TRMU: variants seen among roughly 807,000 people sequenced by gnomAD.
TRMU encodes tRNA mitochondrial 2-thiouridylase.
Under a neutral mutation model 46.9 loss-of-function variants are expected in TRMU, and 49 were observed. The ratio of observed to expected loss-of-function variants is 1.05; its 90% CI spans 0.83 to 1.33. The LOEUF is 1.33. Among genes scored for constraint, TRMU ranks in the 40% most tolerant of loss-of-function variants. TRMU has a pLI of 0.00. For synonymous variants in TRMU, 241 were observed against 200.9 expected, an observed-to-expected ratio of 1.20 and a Z score of -1.69; for missense variants, 572 against 532.4, an observed-to-expected ratio of 1.07 and a Z score of -0.73.
chr22:46,354,099 C>T (rs1415482438), intron 8 of TRMU: 2 of 484,482 alleles, frequency 4.1e-6, no homozygotes, highest in Non-Finnish European at 7.6e-6. Flanking sequence ...ATCCCTGAAC[C>T]CCGATACACA....
chr22:46,349,701 G>A lies in TRMU; in HGVS notation c.479-590G>A, dbSNP rs545587388. Among the ~76,000 whole-genome samples, 6 of 152,288 alleles carry A rather than the reference G, an allele frequency of 3.9e-5. No individual in the cohort carries two copies. The highest frequency in any genetic ancestry group is 1.2e-4 in the African/African-American group (5 of 41,558). On this transcript the variant is annotated intron_variant, in intron 4 of 10. Coordinates refer to ENST00000645190, the MANE Select transcript of TRMU (RefSeq NM_018006.5). This position sits in a 1 kb window ranked among gnomAD's most constrained non-coding sequence, Gnocchi z 4.6. The stretch of plus-strand genomic sequence containing the variant: ...TCTTTACAATCACATAGGGAATGTC[G>A]GAGGAACTGCAGGGTCACCTAACAG...
chr22:46,352,267 C>G lies in TRMU; in HGVS notation c.709C>G (p.Leu237Val). ...TAATGACATGTTTGTTTTCCAGTAT[C>G]TGCAGCCTCGACCTGGTCACTTTAT... is the stretch of plus-strand genomic sequence containing the variant. ...RNFEHFLLQY[L>V]QPRPGHFISI... is the part of the protein sequence containing the mutation. Residue 237 changes from leucine to valine, a missense_variant, in exon 7 of 11, where the codon CTG becomes GTG. Transcript: ENST00000645190. The G allele has an allele frequency of 6.2e-7, 1 of 1,614,202 alleles. No individual in the cohort carries two copies. The highest frequency in any genetic ancestry group is 8.5e-7 in the Non-Finnish European group (1 of 1,180,044).
rs547049690 is a variant in TRMU, at chr22:46,335,785, C to T, written c.21C>T (p.Val7=). The T allele has an allele frequency of 1.0e-5, 16 of 1,558,194 alleles. No homozygotes were observed. The highest frequency in any genetic ancestry group is 6.8e-5 in the African/African-American group (5 of 73,650). Reference sequence around the variant, plus strand: ...GGCGGATGCAGGCCTTGCGGCACGTCGTGTGCGCCCTGTCCGGCGGCGTGG... The same window carrying T: ...GGCGGATGCAGGCCTTGCGGCACGTTGTGTGCGCCCTGTCCGGCGGCGTGG... MQALRH[V]VCALSGGVDS... is the part of the protein sequence containing the mutation. The change falls in exon 1 of 11, where the codon GTC becomes GTT. Residue 7 remains valine (V), a synonymous_variant. Coordinates refer to ENST00000645190, the MANE Select transcript of TRMU (RefSeq NM_018006.5).
rs757498051 is a variant in TRMU, at chr22:46,350,512, C to T, written c.651+49C>T. 3 of 1,608,064 alleles carry T rather than the reference C, an allele frequency of 1.9e-6. No individual in the cohort carries two copies. In the Admixed American group the frequency reaches 5.0e-5, roughly 27 times the overall value. Reference sequence around the variant, plus strand: ...ATTAGTGCCTGTTTCCCTTTCCCGACTGCATGGCACGGAGCAGCTGGACCT... The same window carrying T: ...ATTAGTGCCTGTTTCCCTTTCCCGATTGCATGGCACGGAGCAGCTGGACCT... On this transcript the variant is annotated intron_variant, in intron 5 of 10. Coordinates refer to ENST00000645190, the MANE Select transcript of TRMU (RefSeq NM_018006.5). The surrounding 1 kb of genome is among the most constrained non-coding windows in gnomAD (Gnocchi z 4.6).
chr22:46,356,197 G>A, intron 10 of TRMU, 125 bp downstream of exon 10: 1 of 1,060,964 alleles, frequency 9.4e-7, no homozygotes, highest in Non-Finnish European at 1.4e-6. Context: ...CACAGCTGGT[G>A]AGGGCAGAGT....
chr22:46,352,427 C>T (rs1430255436), intron 7 of TRMU, 97 bp downstream of exon 7: 1 of 1,458,106 alleles, frequency 6.9e-7, no homozygotes, highest in Non-Finnish European at 9.6e-7. Flanking sequence ...GTCCCTTCCA[C>T]TTGGCTGGAG....
At chr22:46,341,456 C>A (rs1396722306) in intron 2 of TRMU, among the ~76,000 whole-genome samples, 1 of 152,060 alleles carries the variant, frequency 6.6e-6, no homozygotes, top group African/African-American at 2.4e-5. Flanking sequence ...TCTAGGGGGA[C>A]TGAGAAGTAG....
chr22:46,342,525 G>T lies in TRMU; in HGVS notation c.249-737G>T, dbSNP rs1417057143. Among the ~76,000 whole-genome samples, 1 of 152,172 alleles carries T rather than the reference G, an allele frequency of 6.6e-6. No individual in the cohort carries two copies. The highest frequency in any genetic ancestry group is 1.9e-4 in the East Asian group (1 of 5,184). On this transcript the variant is annotated intron_variant, in intron 2 of 10. Transcript: ENST00000645190. This position sits in a 1 kb window ranked among gnomAD's most constrained non-coding sequence, Gnocchi z 4.7. ...TACAGTGGGACTGTGTCTGGGGAGG[G>T]TCTTAAGACCCACAGTCAGAAAGGT...
rs2078595130 is a variant in TRMU at position 46,356,005 on chromosome 22, C to T, written c.1034C>T (p.Thr345Ile). Reference protein sequence around the residue: ...HQMALVPCVLTLNQDGTVWVT... With the variant: ...HQMALVPCVLILNQDGTVWVT... ...TTCTACCCAGTGCCCTGTGTGCTGA[C>T]CCTCAATCAAGATGGCACCGTGTGG... Residue 345 changes from threonine (T) to isoleucine (I), a missense_variant, in exon 10 of 11, where the codon ACC becomes ATC. Physicochemically the swap from Thr to Ile is moderately conservative, Grantham distance 89. Coordinates refer to ENST00000645190, the MANE Select transcript of TRMU (RefSeq NM_018006.5). The T allele has an allele frequency of 2.5e-6, 4 of 1,613,878 alleles. No individual in the cohort carries two copies. Among genetic ancestry groups the T allele is most frequent in the South Asian group, 1.1e-5 (1 of 91,096 alleles).
chr22:46,352,877 G>A (rs2078476472), intron 7 of TRMU: 4 of 232,522 alleles, frequency 1.7e-5, no homozygotes, highest in Admixed American at 5.1e-5. Flanking sequence ...TCCTGCTGTG[G>A]GGACAGAGTG....
chr22:46,356,810 G>A, intron 10 of TRMU, 32 bp from the exon 11 acceptor site: 2 of 1,611,336 alleles, frequency 1.2e-6, no homozygotes, highest in Non-Finnish European at 1.7e-6. Context: ...GCTCCCTGTG[G>A]CACCCCTGAT....
rs1020863462 is a variant in TRMU, at chr22:46,352,563, G to A, written c.772+233G>A. On this transcript the variant is annotated intron_variant, in intron 7 of 10. Transcript: ENST00000645190. Reference sequence around the variant, plus strand: ...TGAGATGCTGGAGTTCATGAAAAGCGCGCCTCTGACTTGGAAGGACTATAC... The same window carrying A: ...TGAGATGCTGGAGTTCATGAAAAGCACGCCTCTGACTTGGAAGGACTATAC... 40 of 606,788 alleles carry A rather than the reference G, an allele frequency of 6.6e-5. No individual in the cohort carries two copies. In the Admixed American group the frequency reaches 7.0e-4, roughly 11 times the overall value. 37.6% of individuals were successfully genotyped at this position (606,788 alleles called of 1,614,324 possible).
Position 46,345,763 on chromosome 22 carries a change from CTT to C in TRMU, c.356-644_356-643del, listed in dbSNP as rs561435289. Among the ~76,000 whole-genome samples, 1,128 of 139,218 alleles carry C rather than the reference CTT, an allele frequency of 8.1e-3. 13 individuals carry two copies. The highest frequency in any genetic ancestry group is 0.013 in the Non-Finnish European group (810 of 64,024). 91.3% of individuals were successfully genotyped at this position (139,218 alleles called of 152,430 possible). A position where few individuals can be genotyped will look rare whatever the true frequency, so the allele number is the denominator to read the frequency against. ...TCTCCCAGTGTTGAACATTTTGGTTCTTTTTTTTTTTTTTTTCCTCCTGAGAC... is the reference window on the plus strand; with the variant it reads ...TCTCCCAGTGTTGAACATTTTGGTTCTTTTTTTTTTTTTTCCTCCTGAGAC... On this transcript the variant is annotated intron_variant, in intron 3 of 10. Transcript: ENST00000645190.
chr22:46,341,564 A>G (rs2147863806), intron 2 of TRMU, among the ~76,000 whole-genome samples: 1 of 152,244 alleles, frequency 6.6e-6, no homozygotes, highest in South Asian at 2.1e-4. Flanking sequence ...CCTCTTGATC[A>G]GCACTGGTTT....
At position 46,348,945 on chromosome 22, in the gene TRMU, C is replaced by T. The variant is rs1435498254; in HGVS notation, c.479-1346C>T. ...GTCAGGAGTTCCAGACCAGCCTGGCCAACATGGTGAAACCCCATCTCTACT... is the reference window on the plus strand; with the variant it reads ...GTCAGGAGTTCCAGACCAGCCTGGCTAACATGGTGAAACCCCATCTCTACT... On this transcript the variant is annotated intron_variant, in intron 4 of 10. Transcript: ENST00000645190. The surrounding 1 kb of genome is among the most constrained non-coding windows in gnomAD (Gnocchi z 4.8). 1.3e-5 allele frequency among the ~76,000 whole-genome samples: 2 copies of T among 151,576 alleles called. No individual in the cohort carries two copies. The highest frequency in any genetic ancestry group is 4.9e-5 in the African/African-American group (2 of 41,190).
rs1039877769 is a variant in TRMU at position 46,352,460 on chromosome 22, C to T, written c.772+130C>T. On this transcript the variant is annotated intron_variant, in intron 7 of 10. Transcript: ENST00000645190. Reference sequence around the variant, plus strand: ...GAGAATTGTAGAAGGCTCTGTGGGGCGGCCGGGGGCGGGCACGGCCTAGGG... The same window carrying T: ...GAGAATTGTAGAAGGCTCTGTGGGGTGGCCGGGGGCGGGCACGGCCTAGGG... The T allele has an allele frequency of 3.5e-5, 39 of 1,114,178 alleles. 1 individual carries two copies. Among genetic ancestry groups the T allele is most frequent in the South Asian group, 1.6e-4 (13 of 79,972 alleles). The allele number at this position is 1,114,178 out of a possible 1,614,324, so 69.0% of individuals were successfully genotyped here.
In TRMU at chr22:46,352,269, G is replaced by A. The variant is rs1317011664; in HGVS notation, c.711G>A (p.Leu237=). Residue 237 remains leucine, a synonymous_variant, in exon 7 of 11, where the codon CTG becomes CTA. Transcript: ENST00000645190. The part of the protein sequence containing the change: ...RNFEHFLLQY[L]QPRPGHFISI... ...ATGACATGTTTGTTTTCCAGTATCT[G>A]CAGCCTCGACCTGGTCACTTTATTT... The A allele has an allele frequency of 1.2e-6, 2 of 1,614,048 alleles. No individual in the cohort carries two copies. Among genetic ancestry groups the A allele is most frequent in the East Asian group, 2.2e-5 (1 of 44,894 alleles).
In TRMU at chr22:46,335,838, G is replaced by T; in HGVS notation, c.74G>T (p.Arg25Met). The T allele has an allele frequency of 6.4e-7, 1 of 1,551,226 alleles. No individual in the cohort carries two copies. Among genetic ancestry groups the T allele is most frequent in the Non-Finnish European group, 8.7e-7 (1 of 1,154,438 alleles). Residue 25 changes from arginine to methionine, a missense_variant, in exon 1 of 11, where the codon AGG (arginine) becomes ATG (methionine). Arg to Met is a moderately conservative substitution (Grantham distance 91). Transcript: ENST00000645190. ...VDSAVAALLL[R>M]RRGYQVTGVF... ...AGCGCCGTGGCCGCGCTGCTGCTGA[G>T]GCGGAGAGGTGAGGCGTCCGAGGCT... is the stretch of plus-strand genomic sequence containing the variant.
In TRMU at chr22:46,348,224, G is replaced by A. The variant is rs2078309452; in HGVS notation, c.478+1680G>A. 6.6e-6 allele frequency among the ~76,000 whole-genome samples: 1 copy of A among 152,194 alleles called. No individual in the cohort carries two copies. Among genetic ancestry groups the A allele is most frequent in the Non-Finnish European group, 1.5e-5 (1 of 68,030 alleles). ...ATTTCCATGTTGAATAGATGCGCCTGCTTACCTCCTAGAACATTACCTCCT... is the reference window on the plus strand; with the variant it reads ...ATTTCCATGTTGAATAGATGCGCCTACTTACCTCCTAGAACATTACCTCCT... On this transcript the variant is annotated intron_variant, in intron 4 of 10. Transcript: ENST00000645190. This position sits in a 1 kb window ranked among gnomAD's most constrained non-coding sequence, Gnocchi z 4.8.
Sources: gnomAD v4.1 joint callset for allele counts (sites outside exome capture counted in the v4.1 genomes callset) on GRCh38, gnomAD v4.1.1 for gene constraint, Gnocchi (gnomAD v3.1) non-coding constraint, MANE v1.5 for transcripts, NCBI Gene and HGNC (gene_info 2026-07-23, HGNC 2026-07-21) for gene names.